The following SAMD4A variants were observed in gnomAD, a reference collection of about 807,000 sequenced individuals.
SAMD4A encodes protein Smaug homolog 1.
Under a neutral mutation model 81.3 loss-of-function variants are expected in SAMD4A, and 33 were observed. The observed-to-expected ratio is 0.41, with a 90% CI of 0.31 to 0.54. The LOEUF (loss-of-function observed/expected upper bound fraction) is 0.54, where lower values mean the gene tolerates loss of function less well. SAMD4A is among the 20% of genes least tolerant of loss of function. The probability of loss-of-function intolerance (pLI) is 0.37; values close to 1 mark genes in which losing one functional copy is unlikely to be tolerated. For missense variants in SAMD4A, 854 were observed against 951.1 expected (o/e 0.90, Z 1.34); for synonymous variants, 389 against 382.1 (o/e 1.02, Z -0.21).
chr14:54,603,691 T>C (rs968316917), intron 2 of SAMD4A, among the ~76,000 whole-genome samples: 1 of 152,196 alleles, frequency 6.6e-6, no homozygotes, highest in Non-Finnish European at 1.5e-5. Context: ...GAGTCATTCA[T>C]TCCCAGGGAC....
At chr14:54,706,313 GA>G (rs1594838189) in intron 3 of SAMD4A, among the ~76,000 whole-genome samples, 1 of 127,320 alleles carries the variant, frequency 7.9e-6, no homozygotes, top group African/African-American at 2.9e-5. Context: ...GAAGAAGAAA[GA>G]AAAAAAAGAC....
chr14:54,723,995 T>TGGAA (rs1170063084), intron 3 of SAMD4A, among the ~76,000 whole-genome samples: 2 of 59,550 alleles, frequency 3.4e-5, no homozygotes, highest in African/African-American at 1.1e-4. Flanking sequence ...AAATATTGGA[T>TGGAA]GGATGGATGG....
intron 2 of SAMD4A, among the ~76,000 whole-genome samples, chr14:54,600,707 G>A (rs139953814): frequency 1.8e-4 from 27 of 152,278 alleles, no homozygotes; most frequent in African/African-American, 6.3e-4. Flanking sequence ...GAAGGTGAAA[G>A]CCCCTTTACT....
At chr14:54,760,555 T>C (rs1444251298) in intron 7 of SAMD4A, 61 bp downstream of exon 7, 17 of 1,361,432 alleles carry the variant, frequency 1.2e-5, no homozygotes, top group Non-Finnish European at 1.5e-5. Flanking sequence ...AGCGACAGGC[T>C]CCTGGGGGCT....
intron 2 of SAMD4A, among the ~76,000 whole-genome samples, chr14:54,638,119 C>T (rs1401476774): frequency 1.3e-5 from 2 of 152,136 alleles, no homozygotes; most frequent in African/African-American, 4.8e-5. Context: ...GAGATTATGG[C>T]ACAGCATATG....
chr14:54,610,395 G>A (rs945595739), intron 2 of SAMD4A, among the ~76,000 whole-genome samples: 2 of 152,122 alleles, frequency 1.3e-5, no homozygotes, highest in Non-Finnish European at 2.9e-5. Context: ...CATTATAGTC[G>A]TCCCAGAAAA....
intron 4 of SAMD4A, among the ~76,000 whole-genome samples, chr14:54,746,189 A>C (rs1194489900): frequency 6.6e-6 from 1 of 152,212 alleles, no homozygotes; most frequent in African/African-American, 2.4e-5. Context: ...CAGAGGGTGA[A>C]AGGTTAGTAG....
chr14:54,695,294 C>A (rs1230303966), intron 2 of SAMD4A, among the ~76,000 whole-genome samples: 1 of 152,208 alleles, frequency 6.6e-6, no homozygotes, highest in Non-Finnish European at 1.5e-5. Flanking sequence ...AGGTCTCCAA[C>A]AAAGCTGTAG....
chr14:54,640,996 A>G (rs1594763637), intron 2 of SAMD4A, among the ~76,000 whole-genome samples: 2 of 151,822 alleles, frequency 1.3e-5, no homozygotes, highest in Admixed American at 1.3e-4. Context: ...CTTGAGCTTC[A>G]CCTCTCTCCA....
intron 2 of SAMD4A, among the ~76,000 whole-genome samples, chr14:54,651,708 T>C (rs1217292216): frequency 1.3e-5 from 2 of 152,242 alleles, no homozygotes; most frequent in Non-Finnish European, 2.9e-5. Flanking sequence ...GTCGATGCAA[T>C]TTCCTTTAAT....
intron 2 of SAMD4A, among the ~76,000 whole-genome samples, chr14:54,578,522 C>T (rs1386246463): frequency 6.6e-6 from 1 of 151,640 alleles, no homozygotes; most frequent in Non-Finnish European, 1.5e-5. Flanking sequence ...ACCAGCTTGG[C>T]CAACGTGGCG....
chr14:54,621,175 T>C (rs1476948225), intron 2 of SAMD4A, among the ~76,000 whole-genome samples: 2 of 152,166 alleles, frequency 1.3e-5, no homozygotes, highest in African/African-American at 2.4e-5. Flanking sequence ...AACTCCCTGA[T>C]TTCCTTTCCA....
intron 2 of SAMD4A, among the ~76,000 whole-genome samples, chr14:54,683,590 G>C (rs2036180367): frequency 6.6e-6 from 1 of 152,146 alleles, no homozygotes; most frequent in Non-Finnish European, 1.5e-5. Flanking sequence ...TGTCTCCATA[G>C]TTTGGATCAG....
At chr14:54,668,707 C>T (rs7161048) in intron 2 of SAMD4A, 123,258 of 152,266 alleles carry the variant, frequency 0.81, 50,796 homozygotes, top group East Asian at 0.98. Context: ...GTGGCACTTA[C>T]TGTTTTAATT....
At chr14:54,580,981 C>T (rs147330173) in intron 2 of SAMD4A, among the ~76,000 whole-genome samples, 6 of 152,284 alleles carry the variant, frequency 3.9e-5, no homozygotes, top group Non-Finnish European at 5.9e-5. Flanking sequence ...AGAATCCTCA[C>T]GCTGTTACCA....
At chr14:54,722,976 A>G (rs2037300202) in intron 3 of SAMD4A, among the ~76,000 whole-genome samples, 1 of 152,174 alleles carries the variant, frequency 6.6e-6, no homozygotes, top group Admixed American at 6.5e-5. Flanking sequence ...GCCTGACTCA[A>G]GAATGAAAAG....
chr14:54,761,515 A>T (rs1193844828), intron 7 of SAMD4A, among the ~76,000 whole-genome samples: 1 of 152,194 alleles, frequency 6.6e-6, no homozygotes, highest in African/African-American at 2.4e-5. Flanking sequence ...AAAAGTTTGC[A>T]TATTTTCCTG....
intron 2 of SAMD4A, among the ~76,000 whole-genome samples, chr14:54,579,108 G>A (rs1290716031): frequency 6.6e-6 from 1 of 152,222 alleles, no homozygotes; most frequent in Non-Finnish European, 1.5e-5. Context: ...TTCTTAGCAT[G>A]TTCTGTGTGT....
intron 2 of SAMD4A, among the ~76,000 whole-genome samples, chr14:54,634,466 G>A (rs1485661514): frequency 1.3e-5 from 2 of 152,110 alleles, no homozygotes; most frequent in Non-Finnish European, 2.9e-5. Context: ...AAGTTTCCAC[G>A]GGCCAGGGTA....
Sources: gnomAD v4.1 joint callset for allele counts (sites outside exome capture counted in the v4.1 genomes callset) on GRCh38, gnomAD v4.1.1 for gene constraint, MANE v1.5 for transcripts, NCBI Gene and HGNC (gene_info 2026-07-23, HGNC 2026-07-21) for gene names.